CPEB3: variants seen among roughly 807,000 people sequenced by gnomAD.
CPEB3 encodes cytoplasmic polyadenylation element-binding protein 3.
Under a neutral mutation model 67.2 loss-of-function variants are expected in CPEB3, and 20 were observed. The ratio of observed to expected loss-of-function variants is 0.30; its 90% CI spans 0.21 to 0.43. The LOEUF (loss-of-function observed/expected upper bound fraction) is 0.43, where lower values mean the gene tolerates loss of function less well. Among genes scored for constraint, CPEB3 ranks in the 20% least tolerant of loss-of-function variants. CPEB3 has a pLI of 1.00. For missense variants in CPEB3, 746 were observed against 968.6 expected, an observed-to-expected ratio of 0.77 and a Z score of 3.05; for synonymous variants, 376 against 393.1, an observed-to-expected ratio of 0.96 and a Z score of 0.51.
intron 2 of CPEB3, among the ~76,000 whole-genome samples, chr10:92,206,386 A>T (rs897380291): frequency 1.3e-5 from 2 of 152,056 alleles, no homozygotes; most frequent in African/African-American, 4.8e-5. Flanking sequence ...GAAAGTCTTA[A>T]TATATTCTGG....
At chr10:92,095,606 T>A (rs1313412483) in intron 7 of CPEB3, among the ~76,000 whole-genome samples, 2 of 120,542 alleles carry the variant, frequency 1.7e-5, no homozygotes, top group African/African-American at 1.3e-4. Context: ...ATATATTTTT[T>A]TTTTTTCATT....
At chr10:92,274,462 A>G (rs1026220189) in intron 1 of CPEB3, among the ~76,000 whole-genome samples, 5 of 152,144 alleles carry the variant, frequency 3.3e-5, no homozygotes, top group Admixed American at 3.3e-4. Context: ...CTACAAGGGT[A>G]TTTTTGTATT....
chr10:92,065,259 C>CA (rs1254621199), intron 9 of CPEB3, among the ~76,000 whole-genome samples: 2 of 152,226 alleles, frequency 1.3e-5, no homozygotes, highest in African/African-American at 4.8e-5. Context: ...CTCGCTCTGT[C>CA]ACCCAGGTTG....
intron 6 of CPEB3, among the ~76,000 whole-genome samples, chr10:92,132,580 G>T (rs1044000715): frequency 1.3e-5 from 2 of 151,682 alleles, no homozygotes; most frequent in African/African-American, 4.8e-5. Context: ...CATTAAAGAG[G>T]GTCAAAAAGT....
chr10:92,096,349 A>G (rs1275558921), intron 7 of CPEB3, among the ~76,000 whole-genome samples: 1 of 152,118 alleles, frequency 6.6e-6, no homozygotes, highest in Non-Finnish European at 1.5e-5. Flanking sequence ...AAGGGACTTG[A>G]GCATCCATGG....
At chr10:92,195,483 G>A (rs923966531) in intron 2 of CPEB3, among the ~76,000 whole-genome samples, 1 of 152,176 alleles carries the variant, frequency 6.6e-6, no homozygotes, top group South Asian at 2.1e-4. Context: ...CCCATAAGAG[G>A]TGTCTATCAT....
At chr10:92,143,855 C>T (rs1207942166) in intron 5 of CPEB3, among the ~76,000 whole-genome samples, 1 of 152,142 alleles carries the variant, frequency 6.6e-6, no homozygotes, top group Non-Finnish European at 1.5e-5. Context: ...AATAAGCATT[C>T]AGCTATGTAT....
intron 9 of CPEB3, among the ~76,000 whole-genome samples, chr10:92,065,972 C>CTG (rs1842532099): frequency 6.6e-6 from 1 of 152,026 alleles, no homozygotes; most frequent in South Asian, 2.1e-4. Flanking sequence ...TGGTGCACTC[C>CTG]TGTGGTTCCA....
chr10:92,188,417 AAAAT>A (rs1554909567), intron 3 of CPEB3, among the ~76,000 whole-genome samples: 2 of 151,640 alleles, frequency 1.3e-5, no homozygotes, highest in Non-Finnish European at 2.9e-5. Context: ...TAAAAAGCAA[AAAAT>A]AAATAAATAA....
intron 6 of CPEB3, chr10:92,138,520 A>T (rs1846228020): frequency 6.6e-6 from 1 of 152,218 alleles, no homozygotes; most frequent in Admixed American, 6.5e-5. Flanking sequence ...AAAAAAAAAA[A>T]AAAAGGGAGG....
chr10:92,227,005 T>A (rs1194599704), intron 2 of CPEB3, among the ~76,000 whole-genome samples: 2 of 152,158 alleles, frequency 1.3e-5, no homozygotes, highest in African/African-American at 2.4e-5. Flanking sequence ...AAAGGAAGCA[T>A]AAATAATACT....
intron 9 of CPEB3, among the ~76,000 whole-genome samples, chr10:92,053,024 CAG>C (rs1214340015): frequency 1.3e-5 from 2 of 152,206 alleles, no homozygotes; most frequent in East Asian, 3.8e-4. Flanking sequence ...CTGTGCACCT[CAG>C]TGTCGTAATG....
At chr10:92,242,502 G>A (rs1218367451) in intron 1 of CPEB3, among the ~76,000 whole-genome samples, 1 of 152,210 alleles carries the variant, frequency 6.6e-6, no homozygotes, top group Non-Finnish European at 1.5e-5. Flanking sequence ...AAACGGTGCT[G>A]CAGTAAACCA....
intron 2 of CPEB3, among the ~76,000 whole-genome samples, chr10:92,200,990 C>A (rs984021689): frequency 1.3e-5 from 2 of 152,172 alleles, no homozygotes; most frequent in African/African-American, 2.4e-5. Flanking sequence ...ATAAAAAGTA[C>A]AAATGCCACC....
chr10:92,078,948 C>T (rs928458660), intron 9 of CPEB3, among the ~76,000 whole-genome samples: 3 of 152,056 alleles, frequency 2.0e-5, no homozygotes, highest in African/African-American at 7.2e-5. Flanking sequence ...CCAGGAGGTC[C>T]GTAGAATGGA....
chr10:92,155,355 A>G (rs1213501043), intron 4 of CPEB3, among the ~76,000 whole-genome samples: 1 of 152,216 alleles, frequency 6.6e-6, no homozygotes, highest in African/African-American at 2.4e-5. Context: ...CTAAATGTTA[A>G]TTAGAGGAAA....
At chr10:92,177,504 C>T (rs1196258450) in intron 4 of CPEB3, among the ~76,000 whole-genome samples, 3 of 152,184 alleles carry the variant, frequency 2.0e-5, no homozygotes, top group Admixed American at 6.5e-5. Context: ...CCAATTCTTA[C>T]TATTAATAGA....
At chr10:92,157,317 C>T (rs933245125) in intron 4 of CPEB3, among the ~76,000 whole-genome samples, 1 of 152,176 alleles carries the variant, frequency 6.6e-6, no homozygotes, top group Non-Finnish European at 1.5e-5. Context: ...TTACAACCTA[C>T]GTGTCTGACC....
At chr10:92,284,081 C>T (rs1246312209) in intron 1 of CPEB3, among the ~76,000 whole-genome samples, 1 of 146,378 alleles carries the variant, frequency 6.8e-6, no homozygotes, top group Admixed American at 6.9e-5. Flanking sequence ...ACTCTGTCAC[C>T]AGGCTGGAGT....
Sources: allele counts gnomAD v4.1 joint callset (sites outside exome capture counted in the v4.1 genomes callset), GRCh38; gene constraint gnomAD v4.1.1; transcripts MANE v1.5; gene names NCBI Gene and HGNC (gene_info 2026-07-23, HGNC 2026-07-21).